DNM1: variants seen among roughly 807,000 people sequenced by gnomAD.
DNM1 encodes the protein dynamin-1.
In DNM1, 29 loss-of-function variants were observed where a neutral mutation model predicts 104.6. The observed-to-expected ratio is 0.28, with a 90% CI of 0.21 to 0.38. The LOEUF is 0.38. Ranked by LOEUF, DNM1 falls within the 10% of genes least tolerant of loss-of-function variation. The probability of loss-of-function intolerance (pLI) is 1.00; values close to 1 mark genes in which losing one functional copy is unlikely to be tolerated. For missense variants in DNM1, 640 were observed against 1,189.4 expected, an observed-to-expected ratio of 0.54 and a Z score of 6.79; for synonymous variants, 445 against 475.8, an observed-to-expected ratio of 0.94 and a Z score of 0.84.
chr9:128,254,360 G>A lies in DNM1; in HGVS notation c.2535-294G>A. On this transcript the variant is annotated intron_variant, in intron 21 of 21. Coordinates refer to ENST00000372923, the MANE Select transcript of DNM1 (RefSeq NM_004408.4). The surrounding 1 kb of genome is among the most constrained non-coding windows in gnomAD (Gnocchi z 6.1). ...AGGGGGCCGAGCATCAGCCTGAATT[G>A]CGGGTGCCCTGCCTGGGTGCCGTGT... is the stretch of plus-strand genomic sequence containing the variant. 1.4e-6 allele frequency: 2 copies of A among 1,407,542 alleles called. No individual in the cohort carries two copies. The highest frequency in any genetic ancestry group is 1.8e-6 in the Non-Finnish European group (2 of 1,089,622). 87.2% of individuals were successfully genotyped at this position (1,407,542 alleles called of 1,614,324 possible). A position where few individuals can be genotyped will look rare whatever the true frequency, so the allele number is the denominator to read the frequency against.
Position 128,244,696 on chromosome 9 carries a change from G to T in DNM1, c.1672-1698G>T, listed in dbSNP as rs1236945275. ...GTTCTGGGATGGCAGGCAGGGGTCG[G>T]TCCAGCTCTCCAGTGGCGGCGGTGC... is the stretch of plus-strand genomic sequence containing the variant. On this transcript the variant is annotated intron_variant, in intron 15 of 21. Transcript: ENST00000372923. The T allele has an allele frequency of 5.7e-6, 3 of 525,414 alleles. No homozygotes were observed. The Admixed American group carries it at 5.9e-5, about 10-fold the overall frequency. 32.5% of individuals were successfully genotyped at this position (525,414 alleles called of 1,614,324 possible).
intron 10 of DNM1, among the ~76,000 whole-genome samples, chr9:128,231,827 G>T (rs939016141): frequency 2.0e-5 from 3 of 152,170 alleles, no homozygotes; most frequent in African/African-American, 7.2e-5. Context: ...GCCCAGAGAG[G>T]TCTGGTCATT....
intron 1 of DNM1, among the ~76,000 whole-genome samples, chr9:128,210,684 G>C (rs1834236147): frequency 6.6e-6 from 1 of 152,110 alleles, no homozygotes; most frequent in African/African-American, 2.4e-5. Context: ...GACACAGAGA[G>C]CGTAGGGAAC....
At chr9:128,211,917 A>G (rs1486185538) in intron 1 of DNM1, among the ~76,000 whole-genome samples, 1 of 152,184 alleles carries the variant, frequency 6.6e-6, no homozygotes, top group African/African-American at 2.4e-5. Flanking sequence ...AATATTAACA[A>G]CGTATCTAGT....
intron 15 of DNM1, among the ~76,000 whole-genome samples, chr9:128,246,124 AG>A (rs1281045906): frequency 3.3e-5 from 5 of 151,934 alleles, no homozygotes; most frequent in Non-Finnish European, 7.4e-5. Flanking sequence ...TTGCCTGGGG[AG>A]GGATTTTGGG....
chr9:128,225,902 G>GTC (rs1192019724), intron 10 of DNM1: 2 of 744,964 alleles, frequency 2.7e-6, no homozygotes. Context: ...CTGTGTCGAT[G>GTC]TCTCTCTCTC....
chr9:128,247,628 TG>T lies in DNM1; in HGVS notation c.1893+147del. 1 of 749,044 alleles carries T rather than the reference TG, an allele frequency of 1.3e-6. No individual in the cohort carries two copies. The highest frequency in any genetic ancestry group is 2.2e-6 in the Non-Finnish European group (1 of 454,342). The allele number at this position is 749,044 out of a possible 1,614,324, so 46.4% of individuals were successfully genotyped here. ...TAGGAATCCTCCCCCCTACCCACTCTGGGGGTGGGAACAGAGATAAGTCTCC... is the reference window on the plus strand; with the variant it reads ...TAGGAATCCTCCCCCCTACCCACTCTGGGGTGGGAACAGAGATAAGTCTCC... On this transcript the variant is annotated intron_variant, in intron 17 of 21. Transcript: ENST00000372923. The surrounding 1 kb of genome is among the most constrained non-coding windows in gnomAD (Gnocchi z 5.1).
chr9:128,224,048 C>CA lies in DNM1; in HGVS notation c.1197-195dup, dbSNP rs1042465542. ...TGGGCGACAGAGCAAGACTCCGTCT[C>CA]AAAAAAAATAACAACAACAACAAAA... On this transcript the variant is annotated intron_variant, in intron 9 of 21. Transcript: ENST00000372923. The surrounding 1 kb of genome is among the most constrained non-coding windows in gnomAD (Gnocchi z 4.3). The CA allele has an allele frequency of 2.1e-4, 124 of 597,434 alleles. No individual in the cohort carries two copies. The highest frequency in any genetic ancestry group is 2.6e-4 in the Non-Finnish European group (99 of 373,834). 37.0% of individuals were successfully genotyped at this position (597,434 alleles called of 1,614,324 possible).
chr9:128,203,734 G>A lies in DNM1; in HGVS notation c.161+103G>A. On this transcript the variant is annotated intron_variant, in intron 1 of 21. Coordinates refer to ENST00000372923, the MANE Select transcript of DNM1 (RefSeq NM_004408.4). This position sits in a 1 kb window ranked among gnomAD's most constrained non-coding sequence, Gnocchi z 5.3. ...CGGCGACCTCGCAGCCCCCGACGCT[G>A]CACCCGCGGCCGGCGCGCCCCCCAC... is the stretch of plus-strand genomic sequence containing the variant. The A allele has an allele frequency of 1.8e-6, 2 of 1,138,472 alleles. No homozygotes were observed. The highest frequency in any genetic ancestry group is 2.2e-6 in the Non-Finnish European group (2 of 901,472). The allele number at this position is 1,138,472 out of a possible 1,614,324, so 70.5% of individuals were successfully genotyped here.
chr9:128,215,896 C>T (rs1201391145), intron 1 of DNM1, among the ~76,000 whole-genome samples: 1 of 151,920 alleles, frequency 6.6e-6, no homozygotes, highest in East Asian at 1.9e-4. Flanking sequence ...GCCCCCACAC[C>T]CACCCCAGCT....
chr9:128,250,713 T>C lies in DNM1; in HGVS notation c.2319-12T>C. The C allele has an allele frequency of 1.4e-6, 2 of 1,459,926 alleles. No individual in the cohort carries two copies. Among genetic ancestry groups the C allele is most frequent in the Non-Finnish European group, 9.0e-7 (1 of 1,112,156 alleles). The allele number at this position is 1,459,926 out of a possible 1,614,324, so 90.4% of individuals were successfully genotyped here. A position where few individuals can be genotyped will look rare whatever the true frequency, so the allele number is the denominator to read the frequency against. On this transcript the variant is annotated splice_polypyrimidine_tract_variant and intron_variant, in intron 20 of 21. Transcript: ENST00000372923. ...TCGCCTCTCCTTGTTCCTCGCTCCCTGTCGCCCTCAGGTCGCCCACGTCCA... is the reference window on the plus strand; with the variant it reads ...TCGCCTCTCCTTGTTCCTCGCTCCCCGTCGCCCTCAGGTCGCCCACGTCCA...
At chr9:128,215,749 G>A (rs1052383684) in intron 1 of DNM1, among the ~76,000 whole-genome samples, 1 of 152,192 alleles carries the variant, frequency 6.6e-6, no homozygotes, top group Non-Finnish European at 1.5e-5. Context: ...AGAACTCCAG[G>A]GAAAGTCCAC....
rs540122504 is a variant in DNM1, at chr9:128,248,182, C to T, written c.1905+247C>T. ...CCTCTACTAAAAATACAAAAATTAG[C>T]CAGGCATGGTGGTGCGCGCCTGTAA... On this transcript the variant is annotated intron_variant, in intron 18 of 21. Transcript: ENST00000372923. The surrounding 1 kb of genome is among the most constrained non-coding windows in gnomAD (Gnocchi z 5.6). The T allele has an allele frequency of 8.5e-5, 48 of 562,340 alleles. No homozygotes were observed. The highest frequency in any genetic ancestry group is 6.6e-4 in the African/African-American group (35 of 53,048). The allele number at this position is 562,340 out of a possible 1,614,324, so 34.8% of individuals were successfully genotyped here. A position where few individuals can be genotyped will look rare whatever the true frequency, so the allele number is the denominator to read the frequency against.
At chr9:128,237,337 C>T (rs1836077495) in intron 11 of DNM1, among the ~76,000 whole-genome samples, 1 of 151,850 alleles carries the variant, frequency 6.6e-6, no homozygotes, top group South Asian at 2.1e-4. Context: ...TCTCGGCTCT[C>T]TGCAACCTCT....
Position 128,239,431 on chromosome 9 carries a change from A to G in DNM1, c.1423-14A>G, listed in dbSNP as rs765225886. ...GTCTTTTGCGCTTGCCCACCAACCT[A>G]TGTATCCTTGAAGGTCATGCTTCTC... On this transcript the variant is annotated splice_polypyrimidine_tract_variant and intron_variant, in intron 11 of 21. Transcript: ENST00000372923. The G allele has an allele frequency of 1.1e-5, 18 of 1,612,246 alleles. No individual in the cohort carries two copies. The highest frequency in any genetic ancestry group is 6.7e-5 in the African/African-American group (5 of 74,834).
At chr9:128,244,897 AC>A in intron 15 of DNM1, 2 of 414,890 alleles carry the variant, frequency 4.8e-6, no homozygotes, top group Non-Finnish European at 1.0e-5. Context: ...AGATCCGAGA[AC>A]CCCCCAACCC....
intron 11 of DNM1, among the ~76,000 whole-genome samples, chr9:128,237,342 A>G (rs1304781313): frequency 6.6e-6 from 1 of 151,526 alleles, no homozygotes; most frequent in Non-Finnish European, 1.5e-5. Context: ...GCTCTCTGCA[A>G]CCTCTGCCTC....
At chr9:128,225,961 C>A in intron 10 of DNM1, 1 of 1,447,010 alleles carries the variant, frequency 6.9e-7, no homozygotes. Context: ...CCTGTCTCTG[C>A]TTGGCTTTCA....
intron 1 of DNM1, among the ~76,000 whole-genome samples, chr9:128,212,943 C>T (rs1834389058): frequency 6.6e-6 from 1 of 152,204 alleles, no homozygotes; most frequent in Non-Finnish European, 1.5e-5. Flanking sequence ...CTGGCAGAGT[C>T]CCTGGCTGAC....
Sources: allele counts gnomAD v4.1 joint callset (sites outside exome capture counted in the v4.1 genomes callset), GRCh38; gene constraint gnomAD v4.1.1; non-coding constraint Gnocchi (gnomAD v3.1); transcripts MANE v1.5; gene names NCBI Gene and HGNC (gene_info 2026-07-23, HGNC 2026-07-21).